SOS2: variants seen among roughly 807,000 people sequenced by gnomAD.
The protein encoded by SOS2 is son of sevenless homolog 2.
SOS2 carries 65 observed loss-of-function variants against 148.2 expected under a neutral mutation model. The observed-to-expected ratio is 0.44, with a 90% confidence interval of 0.36 to 0.54. SOS2 has a LOEUF of 0.54. Ranked by LOEUF, SOS2 falls within the 20% of genes least tolerant of loss-of-function variation. SOS2 has a pLI of 0.00. For synonymous variants in SOS2, 539 were observed against 537.1 expected (o/e 1.00, Z -0.05); for missense variants, 1,341 against 1,590.2 (o/e 0.84, Z 2.67).
intron 18 of SOS2, among the ~76,000 whole-genome samples, chr14:50,134,812 G>A (rs555662263): frequency 3.3e-5 from 5 of 152,026 alleles, no homozygotes; most frequent in South Asian, 2.1e-4. Context: ...GGTGGCTCAC[G>A]CCTGTAATCC....
intron 1 of SOS2, 31 bp from the exon 2 acceptor site, chr14:50,204,440 G>A (rs1886598700): frequency 1.4e-6 from 2 of 1,380,362 alleles, no homozygotes; most frequent in African/African-American, 1.5e-5. Context: ...TTAAAGTAAT[G>A]GCAAAATAAT....
chr14:50,223,536 G>T (rs1007786407), intron 1 of SOS2, among the ~76,000 whole-genome samples: 2 of 151,938 alleles, frequency 1.3e-5, no homozygotes, highest in African/African-American at 4.8e-5. Context: ...TTACCTGGGC[G>T]TGGTGGCACA....
chr14:50,169,749 T>C (rs1289398257), intron 8 of SOS2, among the ~76,000 whole-genome samples: 2 of 152,096 alleles, frequency 1.3e-5, no homozygotes, highest in African/African-American at 2.4e-5. Flanking sequence ...ACAATTTATA[T>C]TGCATGGCAA....
At chr14:50,121,747 G>A (rs1439790606) in intron 21 of SOS2, among the ~76,000 whole-genome samples, 1 of 152,034 alleles carries the variant, frequency 6.6e-6, no homozygotes, top group Non-Finnish European at 1.5e-5. Context: ...CTGCGGGGGT[G>A]TCCTGTTGGC....
chr14:50,118,719 T>C lies in SOS2; in HGVS notation c.3624A>G (p.Pro1208=), dbSNP rs1350097861. The stretch of plus-strand genomic sequence containing the variant: ...GAGGGGTATCAGGAAGAGGATCTCT[T>C]GGTGGTGGCGGAGGTGGACTATGCA... ...GPLHSPPPPP[P]RDPLPDTPPP... is the part of the protein sequence containing the mutation. Residue 1208 remains proline, a synonymous_variant, in exon 23 of 23, where the codon CCA becomes CCG. Transcript: ENST00000216373. 7 of 1,612,884 alleles carry C rather than the reference T, an allele frequency of 4.3e-6. No individual in the cohort carries two copies. The highest frequency in any genetic ancestry group is 5.9e-6 in the Non-Finnish European group (7 of 1,179,866).
intron 16 of SOS2, among the ~76,000 whole-genome samples, chr14:50,144,933 T>C (rs898982635): frequency 9.2e-5 from 14 of 152,118 alleles, no homozygotes; most frequent in African/African-American, 3.4e-4. Flanking sequence ...GCAAGTCTCA[T>C]ATTGTTTATT....
intron 1 of SOS2, among the ~76,000 whole-genome samples, chr14:50,224,778 C>A (rs1291026568): frequency 6.8e-6 from 1 of 147,482 alleles, no homozygotes; most frequent in Non-Finnish European, 1.5e-5. Flanking sequence ...CCCAGCTACT[C>A]AGGAGGCTAT....
chr14:50,185,463 G>A (rs958185557), intron 5 of SOS2, among the ~76,000 whole-genome samples: 1 of 152,080 alleles, frequency 6.6e-6, no homozygotes, highest in African/African-American at 2.4e-5. Flanking sequence ...AAGTCAAGGT[G>A]GGTGGATCAC....
chr14:50,166,337 C>G (rs1400978709), intron 8 of SOS2, among the ~76,000 whole-genome samples: 11 of 152,144 alleles, frequency 7.2e-5, no homozygotes, highest in Non-Finnish European at 1.5e-4. Flanking sequence ...ATCCTCCTGC[C>G]TTAACCCCCC....
intron 1 of SOS2, among the ~76,000 whole-genome samples, chr14:50,219,473 G>A (rs1044239568): frequency 2.0e-5 from 3 of 152,134 alleles, no homozygotes; most frequent in African/African-American, 7.2e-5. Context: ...TCTAGAAAAT[G>A]CAATCGATAA....
chr14:50,218,774 A>T (rs1400543758), intron 1 of SOS2, among the ~76,000 whole-genome samples: 1 of 152,168 alleles, frequency 6.6e-6, no homozygotes, highest in Non-Finnish European at 1.5e-5. Flanking sequence ...TGCTGGTGGG[A>T]ATGTAAAACT....
rs371598827 is a variant in SOS2 at position 50,182,508 on chromosome 14, G to A, written c.813C>T (p.Ser271=). The A allele has an allele frequency of 3.1e-6, 5 of 1,613,696 alleles. No homozygotes were observed. Among genetic ancestry groups the A allele is most frequent in the East Asian group, 2.2e-5 (1 of 44,894 alleles). The change falls in exon 6 of 23, where the codon AGC becomes AGT. Residue 271 remains serine (S), a synonymous_variant. Coordinates refer to ENST00000216373, the MANE Select transcript of SOS2 (RefSeq NM_006939.4). Reference sequence around the variant, plus strand: ...AGCTGCCAGCTAAGGGATGAGGACTGCTTTCATCAGTCATTTCAACTGTGT... The same window carrying A: ...AGCTGCCAGCTAAGGGATGAGGACTACTTTCATCAGTCATTTCAACTGTGT... The part of the protein sequence containing the change: ...IEDTVEMTDE[S]SPHPLAGSCF...
rs182612426 is a variant in SOS2, at chr14:50,217,722, C to T, written c.88-13313G>A. On this transcript the variant is annotated intron_variant, in intron 1 of 22. Coordinates refer to ENST00000216373, the MANE Select transcript of SOS2 (RefSeq NM_006939.4). ...CTGTAATCCCAGCACTTTGGGAGGC[C>T]GAGGCCGGTGGATCACGAGGTCAGG... Among the ~76,000 whole-genome samples, 749 of 151,688 alleles carry T rather than the reference C, an allele frequency of 4.9e-3. 5 individuals are homozygous for T. The highest frequency in any genetic ancestry group is 0.016 in the African/African-American group (680 of 41,372).
chr14:50,159,293 T>C, intron 10 of SOS2, 138 bp downstream of exon 10: 4 of 555,138 alleles, frequency 7.2e-6, no homozygotes, highest in Non-Finnish European at 1.3e-5. Flanking sequence ...TTCTCTTATT[T>C]ATTCCTTTTG....
chr14:50,223,400 C>T (rs962560262), intron 1 of SOS2, among the ~76,000 whole-genome samples: 3 of 151,898 alleles, frequency 2.0e-5, no homozygotes, highest in Non-Finnish European at 2.9e-5. Context: ...TGGGGCTGGG[C>T]GTGGTGGCTC....
chr14:50,193,731 C>A (rs1226067579), intron 4 of SOS2, among the ~76,000 whole-genome samples: 1 of 151,912 alleles, frequency 6.6e-6, no homozygotes, highest in Non-Finnish European at 1.5e-5. Context: ...CATAACTAGA[C>A]CCACATATCA....
chr14:50,151,232 A>G lies in SOS2; in HGVS notation c.2162-1002T>C, dbSNP rs148279263. On this transcript the variant is annotated intron_variant, in intron 13 of 22. Coordinates refer to ENST00000216373, the MANE Select transcript of SOS2 (RefSeq NM_006939.4). ...TATTGCACTGAGTCAATGTGTCTCA[A>G]GTCTCCTTTAATCTACAGGTTACTG... Among the ~76,000 whole-genome samples the G allele has an allele frequency of 5.9e-5, 9 of 152,346 alleles. No homozygotes were observed. In the East Asian group the frequency reaches 1.7e-3, roughly 29 times the overall value.
chr14:50,147,567 T>C (rs984822203), intron 14 of SOS2, among the ~76,000 whole-genome samples: 9 of 149,010 alleles, frequency 6.0e-5, no homozygotes, highest in African/African-American at 2.0e-4. Context: ...TGTTTATGAA[T>C]CTCCGTGTAT....
At chr14:50,192,172 A>T (rs1886163698) in intron 4 of SOS2, among the ~76,000 whole-genome samples, 1 of 139,268 alleles carries the variant, frequency 7.2e-6, no homozygotes, top group Non-Finnish European at 1.5e-5. Flanking sequence ...AAAAAAAAAA[A>T]AAAAGGAGCG....
Sources: gnomAD v4.1 joint callset for allele counts (sites outside exome capture counted in the v4.1 genomes callset) on GRCh38, gnomAD v4.1.1 for gene constraint, MANE v1.5 for transcripts, NCBI Gene and HGNC (gene_info 2026-07-23, HGNC 2026-07-21) for gene names.